The following ADGRG6 variants were observed in gnomAD, a reference collection of about 807,000 sequenced individuals.
ADGRG6 encodes the protein G-protein coupled receptor 126.
Under a neutral mutation model 142.4 loss-of-function variants are expected in ADGRG6, and 84 were observed. The ratio of observed to expected loss-of-function variants is 0.59; its 90% CI spans 0.49 to 0.71. The LOEUF (loss-of-function observed/expected upper bound fraction) is 0.71. Ranked by LOEUF, ADGRG6 falls within the 30% of genes least tolerant of loss-of-function variation. The pLI, the probability that ADGRG6 is intolerant of heterozygous loss-of-function variation, is 0.00. For synonymous variants in ADGRG6, 521 were observed against 520.5 expected, an observed-to-expected ratio of 1.00 and a Z score of -0.01; for missense variants, 1,367 against 1,466.6, an observed-to-expected ratio of 0.93 and a Z score of 1.11.
intron 2 of ADGRG6, among the ~76,000 whole-genome samples, chr6:142,349,527 C>T (rs746394589): frequency 5.9e-5 from 9 of 152,190 alleles, no homozygotes; most frequent in South Asian, 4.1e-4. Context: ...TCAGTCCTCC[C>T]GTAGTCTGAG....
chr6:142,404,021 T>C (rs747004087), intron 14 of ADGRG6, 48 bp downstream of exon 14: 2 of 1,397,726 alleles, frequency 1.4e-6, no homozygotes, highest in East Asian at 4.6e-5. Flanking sequence ...GTTAGACATA[T>C]AAAAACTTGC....
chr6:142,342,846 AT>A (rs1320609839), intron 2 of ADGRG6, among the ~76,000 whole-genome samples: 9 of 151,900 alleles, frequency 5.9e-5, no homozygotes, highest in East Asian at 5.8e-4. Context: ...AAAATATTTT[AT>A]TTTTTTATTT....
intron 6 of ADGRG6, among the ~76,000 whole-genome samples, chr6:142,385,504 T>C (rs889014006): frequency 6.6e-6 from 1 of 152,202 alleles, no homozygotes; most frequent in Non-Finnish European, 1.5e-5. Flanking sequence ...TTTTTTTTCC[T>C]AAATTGACTC....
chr6:142,383,829 A>G lies in ADGRG6; in HGVS notation c.1208A>G (p.Asp403Gly). Reference protein sequence around the residue: ...TTNMPVTNRIDKQRNDGIIYR... With the variant: ...TTNMPVTNRIGKQRNDGIIYR... ...AACATGCCTGTTACTAACAGAATCG[A>G]TAAACAAAGGAATGGTAAGAAATCA... is the stretch of plus-strand genomic sequence containing the variant. Residue 403 changes from aspartate (D) to glycine (G), a missense_variant, in exon 6 of 25, where the codon GAT becomes GGT. By Grantham distance (94) the Asp-to-Gly change is moderately conservative. Transcript: ENST00000367609. 1 of 1,538,208 alleles carries G rather than the reference A, an allele frequency of 6.5e-7. No individual in the cohort carries two copies. The highest frequency in any genetic ancestry group is 1.1e-5 in the South Asian group (1 of 89,394).
chr6:142,310,515 A>G (rs1330019523), intron 2 of ADGRG6, among the ~76,000 whole-genome samples: 1 of 151,642 alleles, frequency 6.6e-6, no homozygotes, highest in Non-Finnish European at 1.5e-5. Flanking sequence ...AGATTTATTA[A>G]TTTCATATTT....
chr6:142,431,699 C>A (rs1167222070), intron 22 of ADGRG6, among the ~76,000 whole-genome samples: 1 of 151,972 alleles, frequency 6.6e-6, no homozygotes, highest in Non-Finnish European at 1.5e-5. Flanking sequence ...CTGAGGTGAG[C>A]AGATCACGAG....
intron 4 of ADGRG6, among the ~76,000 whole-genome samples, chr6:142,376,328 C>CG (rs1411778111): frequency 6.6e-6 from 1 of 152,108 alleles, no homozygotes; most frequent in Non-Finnish European, 1.5e-5. Flanking sequence ...TACAGTATAA[C>CG]GCAATGAATA....
chr6:142,376,219 A>T (rs556464299), intron 4 of ADGRG6, among the ~76,000 whole-genome samples: 1 of 152,256 alleles, frequency 6.6e-6, no homozygotes, highest in African/African-American at 2.4e-5. Context: ...TCAAGTTTAG[A>T]TACTGGCTGA....
At chr6:142,429,942 T>A (rs933246081) in intron 22 of ADGRG6, among the ~76,000 whole-genome samples, 20 of 152,106 alleles carry the variant, frequency 1.3e-4, no homozygotes, top group Non-Finnish European at 2.4e-4. Flanking sequence ...TCCTAGTTAC[T>A]CAGGAGGCTG....
intron 15 of ADGRG6, 26 bp from the exon 16 acceptor site, chr6:142,408,124 A>G (rs1247645796): frequency 2.0e-6 from 3 of 1,524,994 alleles, no homozygotes; most frequent in South Asian, 2.6e-5. Context: ...TCTGACTGAT[A>G]CACGCGATTT....
chr6:142,316,957 T>G (rs1425412802), intron 2 of ADGRG6, among the ~76,000 whole-genome samples: 1 of 152,146 alleles, frequency 6.6e-6, no homozygotes. Context: ...TTATTTGAAC[T>G]GCTAATCTCA....
At chr6:142,403,699 A>T (rs375003182) in intron 13 of ADGRG6, 103 bp from the exon 14 acceptor site, 11 of 697,052 alleles carry the variant, frequency 1.6e-5, no homozygotes, top group African/African-American at 1.3e-4. Flanking sequence ...AAATCTAAAC[A>T]CAATTTTATT....
intron 4 of ADGRG6, among the ~76,000 whole-genome samples, chr6:142,373,789 C>T (rs1279390650): frequency 6.6e-6 from 1 of 152,178 alleles, no homozygotes; most frequent in East Asian, 1.9e-4. Context: ...TGTGATCCTC[C>T]CTCCTCAGCC....
chr6:142,307,410 A>C (rs550880685), intron 1 of ADGRG6, among the ~76,000 whole-genome samples: 1 of 152,028 alleles, frequency 6.6e-6, no homozygotes, highest in Non-Finnish European at 1.5e-5. Context: ...ATTTCTTTGA[A>C]TATGTAATTG....
At chr6:142,356,109 G>A (rs1488195719) in intron 2 of ADGRG6, among the ~76,000 whole-genome samples, 1 of 152,182 alleles carries the variant, frequency 6.6e-6, no homozygotes, top group Non-Finnish European at 1.5e-5. Flanking sequence ...TGGCAATGAT[G>A]TGGCAAACCG....
intron 2 of ADGRG6, among the ~76,000 whole-genome samples, chr6:142,311,307 G>A (rs1642149676): frequency 6.6e-6 from 1 of 151,882 alleles, no homozygotes; most frequent in South Asian, 2.1e-4. Flanking sequence ...ATAAGGTCTT[G>A]TGACAGATAG....
At chr6:142,341,998 C>T (rs941891413) in intron 2 of ADGRG6, among the ~76,000 whole-genome samples, 12 of 152,000 alleles carry the variant, frequency 7.9e-5, no homozygotes, top group Non-Finnish European at 1.6e-4. Flanking sequence ...AGGCTTGCCA[C>T]TTAGGGTTAG....
rs571819270 is a variant in ADGRG6 at position 142,413,194 on chromosome 6, TTGTTA to T, written c.2542-1774_2542-1770del. ...TCAGTTTTTCCAGACCACCAAGACT[TTGTTA>T]AGAGTTTTTCTTGACTTAGAAACTC... is the stretch of plus-strand genomic sequence containing the variant. On this transcript the variant is annotated intron_variant, in intron 18 of 24. Coordinates refer to ENST00000367609, the MANE Select transcript of ADGRG6 (RefSeq NM_198569.3). 4.8e-3 allele frequency among the ~76,000 whole-genome samples: 725 copies of T among 152,186 alleles called. 2 individuals carry two copies. The highest frequency in any genetic ancestry group is 7.6e-3 in the Non-Finnish European group (520 of 67,982).
chr6:142,326,558 A>C (rs1235195269), intron 2 of ADGRG6, among the ~76,000 whole-genome samples: 1 of 151,000 alleles, frequency 6.6e-6, no homozygotes, highest in East Asian at 1.9e-4. Flanking sequence ...GTTCAAGATG[A>C]GTGTCACACT....
Sources: allele counts gnomAD v4.1 joint callset (sites outside exome capture counted in the v4.1 genomes callset), GRCh38; gene constraint gnomAD v4.1.1; transcripts MANE v1.5; gene names NCBI Gene and HGNC (gene_info 2026-07-23, HGNC 2026-07-21).